The following FAM110B variants were observed in gnomAD, a reference collection of about 807,000 sequenced individuals.
FAM110B encodes family with sequence similarity 110 member B, also known as protein FAM110B.
A neutral mutation model predicts 20.4 loss-of-function variants in FAM110B; 6 were observed. The observed-to-expected ratio is 0.29, with a 90% CI of 0.16 to 0.58. The LOEUF (loss-of-function observed/expected upper bound fraction) is 0.58, where lower values mean the gene tolerates loss of function less well. Ranked by LOEUF, FAM110B falls within the 20% of genes least tolerant of loss-of-function variation. FAM110B has a pLI of 0.90. For missense variants in FAM110B, 434 were observed against 498.2 expected (o/e 0.87, Z 1.23); for synonymous variants, 226 against 214.1 (o/e 1.06, Z -0.49).
At chr8:58,133,587 G>A (rs960965009) in intron 3 of FAM110B, among the ~76,000 whole-genome samples, 1 of 152,104 alleles carries the variant, frequency 6.6e-6, no homozygotes, top group African/African-American at 2.4e-5. Flanking sequence ...TCTTTTTTCA[G>A]CTTGGAAGAC....
intron 3 of FAM110B, 77 bp downstream of exon 3, chr8:58,075,700 A>G (rs1309692469): frequency 6.6e-6 from 1 of 152,160 alleles, no homozygotes; most frequent in Non-Finnish European, 1.5e-5. Flanking sequence ...TCATTATTGC[A>G]CTAAGACAAA....
chr8:58,117,212 C>T (rs1563376086), intron 3 of FAM110B, among the ~76,000 whole-genome samples: 1 of 152,220 alleles, frequency 6.6e-6, no homozygotes, highest in Non-Finnish European at 1.5e-5. Context: ...CAGAAGCTAA[C>T]TGAGCTCTAC....
At chr8:58,115,672 C>A (rs57447674) in intron 3 of FAM110B, among the ~76,000 whole-genome samples, 7,537 of 152,128 alleles carry the variant, frequency 0.05, 315 homozygotes, top group East Asian at 0.2. Flanking sequence ...GGGATTACAG[C>A]AGAGTCTTGA....
chr8:58,090,220 C>G (rs946904744), intron 3 of FAM110B, among the ~76,000 whole-genome samples: 1 of 152,168 alleles, frequency 6.6e-6, no homozygotes, highest in Non-Finnish European at 1.5e-5. Context: ...AGTGTGGTGG[C>G]GTGATCTCAG....
At chr8:58,144,711 A>G (rs1466364301) in intron 3 of FAM110B, among the ~76,000 whole-genome samples, 1 of 152,218 alleles carries the variant, frequency 6.6e-6, no homozygotes, top group Non-Finnish European at 1.5e-5. Flanking sequence ...TAGCATTCCT[A>G]ATTATAACCA....
chr8:58,094,215 C>G (rs1806562705), intron 3 of FAM110B, among the ~76,000 whole-genome samples: 1 of 152,310 alleles, frequency 6.6e-6, no homozygotes, highest in African/African-American at 2.4e-5. Flanking sequence ...TTGACTTCCT[C>G]TCTTCCTATT....
chr8:58,000,602 T>C (rs1312493925), intron 1 of FAM110B, among the ~76,000 whole-genome samples: 1 of 152,202 alleles, frequency 6.6e-6, no homozygotes, highest in Admixed American at 6.5e-5. Flanking sequence ...GTATATATAT[T>C]TAGTCACACA....
chr8:58,113,531 A>T (rs1807117120), intron 3 of FAM110B: 1 of 182,930 alleles, frequency 5.5e-6, no homozygotes, highest in East Asian at 1.3e-4. Flanking sequence ...AGAGAGGAAG[A>T]CGTAATCTTC....
chr8:58,017,542 G>C (rs923620576), intron 1 of FAM110B, among the ~76,000 whole-genome samples: 1 of 152,204 alleles, frequency 6.6e-6, no homozygotes, highest in Non-Finnish European at 1.5e-5. Context: ...ACATCAGTGA[G>C]AGTGGAGGAA....
intron 1 of FAM110B, among the ~76,000 whole-genome samples, chr8:58,000,816 G>A (rs567244313): frequency 1.3e-5 from 2 of 152,228 alleles, no homozygotes; most frequent in African/African-American, 4.8e-5. Flanking sequence ...TTGACTGTGA[G>A]TTGGGGATTT....
chr8:58,146,248 A>C lies in FAM110B; in HGVS notation c.18A>C (p.Leu6=), dbSNP rs146786994. The change falls in exon 4 of 4, where the codon CTA becomes CTC. Residue 6 remains leucine (L), a synonymous_variant. Transcript: ENST00000519262. MPTET[L]QTGSMVKPVS... ...CGCCCACCATGCCCACGGAGACCCT[A>C]CAGACAGGTAGCATGGTGAAGCCGG... The C allele has an allele frequency of 7.8e-5, 126 of 1,607,542 alleles. No homozygotes were observed. Among genetic ancestry groups the C allele is most frequent in the Non-Finnish European group, 1.0e-4 (121 of 1,175,820 alleles).
intron 3 of FAM110B, among the ~76,000 whole-genome samples, chr8:58,133,823 C>T (rs1385496527): frequency 2.6e-5 from 4 of 152,240 alleles, no homozygotes; most frequent in African/African-American, 7.2e-5. Flanking sequence ...GTGGAGCCCA[C>T]GTCTGCTGCT....
chr8:58,132,135 T>C (rs969143469), intron 3 of FAM110B, among the ~76,000 whole-genome samples: 3 of 152,236 alleles, frequency 2.0e-5, no homozygotes, highest in Non-Finnish European at 4.4e-5. Context: ...AGAGCTTTTA[T>C]TGTCACTGCC....
At chr8:58,119,394 C>G (rs1003668542) in intron 3 of FAM110B, among the ~76,000 whole-genome samples, 17 of 152,132 alleles carry the variant, frequency 1.1e-4, no homozygotes, top group Admixed American at 1.1e-3. Flanking sequence ...ACAGGCACAC[C>G]CCCGTAAGCC....
At chr8:57,999,877 C>T (rs1199551558) in intron 1 of FAM110B, among the ~76,000 whole-genome samples, 5 of 152,010 alleles carry the variant, frequency 3.3e-5, no homozygotes, top group African/African-American at 7.3e-5. Flanking sequence ...GAAAAGAAGG[C>T]AACATGTTTG....
intron 3 of FAM110B, among the ~76,000 whole-genome samples, chr8:58,094,639 G>C (rs1242472169): frequency 6.6e-6 from 1 of 152,222 alleles, no homozygotes; most frequent in Non-Finnish European, 1.5e-5. Flanking sequence ...TGTGCTGCCA[G>C]ATTCGGTTTG....
At chr8:58,137,385 C>A (rs1001778646) in intron 3 of FAM110B, among the ~76,000 whole-genome samples, 1 of 152,126 alleles carries the variant, frequency 6.6e-6, no homozygotes, top group Non-Finnish European at 1.5e-5. Context: ...CATGGTAAAA[C>A]CCCGTCTCTA....
In FAM110B at chr8:58,123,921, C is replaced by G. The variant is rs554772484; in HGVS notation, c.-324-21986C>G. Among the ~76,000 whole-genome samples the G allele has an allele frequency of 3.9e-5, 6 of 152,296 alleles. No homozygotes were observed. In the South Asian group the frequency reaches 1.2e-3, roughly 32 times the overall value. On this transcript the variant is annotated intron_variant, in intron 3 of 3. Transcript: ENST00000519262. ...TTTGTGACAGGGATTTGATTTTGTT[C>G]TATTTATATAGAATATGTGTTTTTC...
At chr8:58,089,702 T>C (rs951239331) in intron 3 of FAM110B, among the ~76,000 whole-genome samples, 4 of 152,238 alleles carry the variant, frequency 2.6e-5, no homozygotes, top group African/African-American at 9.6e-5. Context: ...GAGGCACTGA[T>C]GACAGGTTTT....
Sources: gnomAD v4.1 joint callset for allele counts (sites outside exome capture counted in the v4.1 genomes callset) on GRCh38, gnomAD v4.1.1 for gene constraint, MANE v1.5 for transcripts, NCBI Gene and HGNC (gene_info 2026-07-23, HGNC 2026-07-21) for gene names.